Variants in ZC3H14 observed in about 807,000 individuals in gnomAD.
ZC3H14 encodes the protein zinc finger CCCH-type containing 14, also known as zinc finger CCCH domain-containing protein 14.
Under a neutral mutation model 92.4 loss-of-function variants are expected in ZC3H14, and 31 were observed. The observed-to-expected ratio is 0.34, with a 90% CI of 0.25 to 0.45. The LOEUF (loss-of-function observed/expected upper bound fraction) is 0.45, where lower values mean the gene tolerates loss of function less well. ZC3H14 is among the 20% of genes least tolerant of loss of function. The probability of loss-of-function intolerance (pLI) is 1.00; values close to 1 mark genes in which losing one functional copy is unlikely to be tolerated. For missense variants in ZC3H14, 781 were observed against 897.3 expected (o/e 0.87, Z 1.66); for synonymous variants, 321 against 300.9 (o/e 1.07, Z -0.69).
At chr14:88,607,406 C>G in intron 13 of ZC3H14, 43 bp downstream of exon 13, 1 of 1,464,102 alleles carries the variant, frequency 6.8e-7, no homozygotes. Flanking sequence ...TGAGTACCAT[C>G]CCCCCATCTC....
At position 88,566,686 on chromosome 14, in the gene ZC3H14, G is replaced by A. The variant is rs138823555; in HGVS notation, c.80-1353G>A. Among the ~76,000 whole-genome samples, 710 of 152,260 alleles carry A rather than the reference G, an allele frequency of 4.7e-3. 4 individuals are homozygous for A. The highest frequency in any genetic ancestry group is 0.016 in the African/African-American group (658 of 41,552). Reference sequence around the variant, plus strand: ...TGTAATCACAGCACTTTGGGAGGCCGAGGTGGGTGGATCACTTGAGGTCAG... The same window carrying A: ...TGTAATCACAGCACTTTGGGAGGCCAAGGTGGGTGGATCACTTGAGGTCAG... On this transcript the variant is annotated intron_variant, in intron 2 of 16. Coordinates refer to ENST00000251038, the MANE Select transcript of ZC3H14 (RefSeq NM_024824.5).
rs1008731884 is a variant in ZC3H14 at position 88,624,066 on chromosome 14, A to AT, written c.*12324dup. ...TACTTCTTAGTCAACTATATGTCACATTTTTTTTTGTTTTTGTTTTTGTTT... is the reference window on the plus strand; with the variant it reads ...TACTTCTTAGTCAACTATATGTCACATTTTTTTTTTGTTTTTGTTTTTGTTT... On this transcript the variant is annotated 3_prime_UTR_variant, in exon 17 of 17. Transcript: ENST00000251038. The AT allele has an allele frequency of 1.1e-4, 17 of 150,776 alleles. No individual in the cohort carries two copies. The highest frequency in any genetic ancestry group is 1.6e-4 in the Non-Finnish European group (11 of 67,688). 9.3% of individuals were successfully genotyped at this position (150,776 alleles called of 1,614,324 possible). A position where few individuals can be genotyped will look rare whatever the true frequency, so the allele number is the denominator to read the frequency against.
chr14:88,571,175 T>C, intron 4 of ZC3H14, 51 bp downstream of exon 4: 1 of 1,497,140 alleles, frequency 6.7e-7, no homozygotes, highest in South Asian at 1.3e-5. Context: ...GGCATATGAT[T>C]TGTTTCTTTC....
intron 9 of ZC3H14, among the ~76,000 whole-genome samples, chr14:88,592,570 A>G (rs572877006): frequency 6.3e-5 from 8 of 126,936 alleles, no homozygotes; most frequent in African/African-American, 2.5e-4. Context: ...GCGCAGTCTC[A>G]CTCACCGCAG....
intron 9 of ZC3H14, among the ~76,000 whole-genome samples, chr14:88,596,505 G>C (rs1405589941): frequency 6.6e-6 from 1 of 152,174 alleles, no homozygotes; most frequent in Non-Finnish European, 1.5e-5. Context: ...CTCATAGAGG[G>C]AGAACCAGGA....
rs764524761 is a variant in ZC3H14, at chr14:88,573,022, T to C, written c.861+15T>C. The C allele has an allele frequency of 3.7e-6, 6 of 1,613,174 alleles. No individual in the cohort carries two copies. Among genetic ancestry groups the C allele is most frequent in the East Asian group, 4.5e-5 (2 of 44,882 alleles). ...TGAGTATGGAGGTTTGTATGTACTT[T>C]TAAATTCTGGCTTAGGCTAAAAATC... is the stretch of plus-strand genomic sequence containing the variant. On this transcript the variant is annotated intron_variant, in intron 6 of 16. Coordinates refer to ENST00000251038, the MANE Select transcript of ZC3H14 (RefSeq NM_024824.5).
rs190043523 is a variant in ZC3H14, at chr14:88,601,900, T to A, written c.1355-24T>A. On this transcript the variant is annotated intron_variant, in intron 10 of 16. Coordinates refer to ENST00000251038, the MANE Select transcript of ZC3H14 (RefSeq NM_024824.5). ...GTAAGGTATATTCAAAAGTAAACATTTGTGGCCAATTTTTTTGGCTCAGAT... is the reference window on the plus strand; with the variant it reads ...GTAAGGTATATTCAAAAGTAAACATATGTGGCCAATTTTTTTGGCTCAGAT... 6.4e-5 allele frequency: 104 copies of A among 1,613,492 alleles called. 1 individual carries two copies. Among genetic ancestry groups the A allele is most frequent in the Non-Finnish European group, 1.8e-5 (21 of 1,179,640 alleles).
intron 13 of ZC3H14, chr14:88,608,190 G>A: frequency 2.8e-6 from 1 of 356,288 alleles, no homozygotes; most frequent in Admixed American, 3.0e-5. Context: ...ATCTCACCCT[G>A]CAAGTACCAT....
Position 88,615,828 on chromosome 14 carries a change from G to T in ZC3H14, c.*4077G>T, listed in dbSNP as rs759729873. 1 of 1,611,886 alleles carries T rather than the reference G, an allele frequency of 6.2e-7. No homozygotes were observed. Among genetic ancestry groups the T allele is most frequent in the Admixed American group, 1.7e-5 (1 of 59,814 alleles). On this transcript the variant is annotated 3_prime_UTR_variant, in exon 17 of 17. Coordinates refer to ENST00000251038, the MANE Select transcript of ZC3H14 (RefSeq NM_024824.5). ...TCATCTCAGCATCTCTCAGTGAGGT[G>T]TATGTACACATTTCCAGACAAATAA...
chr14:88,567,693 A>ATT (rs1161914659), intron 2 of ZC3H14, among the ~76,000 whole-genome samples: 2 of 152,216 alleles, frequency 1.3e-5, no homozygotes, highest in African/African-American at 4.8e-5. Context: ...ACAAAACTCA[A>ATT]TTCTTTTTCT....
rs370993837 is a variant in ZC3H14 at position 88,616,908 on chromosome 14, T to A, written c.*5157T>A. On this transcript the variant is annotated 3_prime_UTR_variant, in exon 17 of 17. Transcript: ENST00000251038. ...GAGGGAAGGAACAAAAGAAAACTCA[T>A]CATGGCAAGTGCGGGCAGGTTGACT... 1.3e-5 allele frequency: 21 copies of A among 1,609,396 alleles called. No individual in the cohort carries two copies. The African/African-American group carries it at 2.7e-4, about 20-fold the overall frequency.
intron 8 of ZC3H14, among the ~76,000 whole-genome samples, chr14:88,576,905 C>T (rs897458477): frequency 2.0e-5 from 3 of 152,130 alleles, no homozygotes; most frequent in African/African-American, 7.2e-5. Flanking sequence ...ATTCTCCTGC[C>T]TCAGCCTCCC....
At position 88,622,257 on chromosome 14, in the gene ZC3H14, G is replaced by A. The variant is rs888794201; in HGVS notation, c.*10506G>A. Reference sequence around the variant, plus strand: ...GTATTTCATTGTTTGTTTACTGCACGTTTTATCTAGGGAATGTGTGTTTTT... The same window carrying A: ...GTATTTCATTGTTTGTTTACTGCACATTTTATCTAGGGAATGTGTGTTTTT... On this transcript the variant is annotated 3_prime_UTR_variant, in exon 17 of 17. Transcript: ENST00000251038. 3 of 188,070 alleles carry A rather than the reference G, an allele frequency of 1.6e-5. No individual in the cohort carries two copies. The highest frequency in any genetic ancestry group is 2.3e-5 in the African/African-American group (1 of 42,830). 11.7% of individuals were successfully genotyped at this position (188,070 alleles called of 1,614,324 possible). A position where few individuals can be genotyped will look rare whatever the true frequency, so the allele number is the denominator to read the frequency against.
chr14:88,581,921 C>A (rs930576148), intron 9 of ZC3H14, among the ~76,000 whole-genome samples: 3 of 152,100 alleles, frequency 2.0e-5, no homozygotes, highest in African/African-American at 7.2e-5. Flanking sequence ...AATAATTGAA[C>A]ATTTATGCTG....
intron 12 of ZC3H14, among the ~76,000 whole-genome samples, chr14:88,604,206 G>A (rs2085020501): frequency 6.6e-6 from 1 of 152,084 alleles, no homozygotes; most frequent in Non-Finnish European, 1.5e-5. Flanking sequence ...AGGCTTTATG[G>A]GGTATACATG....
intron 9 of ZC3H14, among the ~76,000 whole-genome samples, chr14:88,578,654 C>G (rs1373794636): frequency 6.6e-6 from 1 of 151,886 alleles, no homozygotes; most frequent in East Asian, 1.9e-4. Context: ...GCCCGTTTAC[C>G]TGAACTTGAA....
Position 88,612,291 on chromosome 14 carries a change from A to C in ZC3H14, c.*540A>C, listed in dbSNP as rs895486458. 3.2e-5 allele frequency: 5 copies of C among 158,052 alleles called. No individual in the cohort carries two copies. The highest frequency in any genetic ancestry group is 7.0e-5 in the Non-Finnish European group (5 of 71,452). The allele number at this position is 158,052 out of a possible 1,614,324, so 9.8% of individuals were successfully genotyped here. On this transcript the variant is annotated 3_prime_UTR_variant, in exon 17 of 17. Transcript: ENST00000251038. ...TTTAAGTGAATTTAGTTTGAAAAGC[A>C]TGATTATACAGGCCTCTCAGGCTGA...
At position 88,624,303 on chromosome 14, in the gene ZC3H14, G is replaced by A. The variant is rs944109458; in HGVS notation, c.*12552G>A. ...TTGCCCAGGCTGGTCTTGAACTCCTGGGCTCAAGCGATCCACCTGCCTCAG... is the reference window on the plus strand; with the variant it reads ...TTGCCCAGGCTGGTCTTGAACTCCTAGGCTCAAGCGATCCACCTGCCTCAG... On this transcript the variant is annotated 3_prime_UTR_variant, in exon 17 of 17. Transcript: ENST00000251038. 5 of 152,566 alleles carry A rather than the reference G, an allele frequency of 3.3e-5. No individual in the cohort carries two copies. The highest frequency in any genetic ancestry group is 1.2e-4 in the African/African-American group (5 of 41,512). The allele number at this position is 152,566 out of a possible 1,614,324, so 9.5% of individuals were successfully genotyped here. A position where few individuals can be genotyped will look rare whatever the true frequency, so the allele number is the denominator to read the frequency against.
Position 88,625,245 on chromosome 14 carries a change from G to T in ZC3H14, c.*13494G>T. On this transcript the variant is annotated 3_prime_UTR_variant, in exon 17 of 17. Transcript: ENST00000251038. Reference sequence around the variant, plus strand: ...ACCCTTGATACAAAGAGCATGCATCGTGTAGTGGCAGCAGCACTGAATTCA... The same window carrying T: ...ACCCTTGATACAAAGAGCATGCATCTTGTAGTGGCAGCAGCACTGAATTCA... The T allele has an allele frequency of 8.4e-7, 1 of 1,191,398 alleles. No individual in the cohort carries two copies. The highest frequency in any genetic ancestry group is 1.2e-6 in the Non-Finnish European group (1 of 862,562). 73.8% of individuals were successfully genotyped at this position (1,191,398 alleles called of 1,614,324 possible). A position where few individuals can be genotyped will look rare whatever the true frequency, so the allele number is the denominator to read the frequency against.
Sources: allele counts gnomAD v4.1 joint callset (sites outside exome capture counted in the v4.1 genomes callset), GRCh38; gene constraint gnomAD v4.1.1; transcripts MANE v1.5; gene names NCBI Gene and HGNC (gene_info 2026-07-23, HGNC 2026-07-21).